Variants in SPATA16 observed in about 807,000 individuals in gnomAD.
SPATA16 encodes the protein spermatogenesis associated 16.
SPATA16 carries 36 observed loss-of-function variants against 63.3 expected under a neutral mutation model. The observed-to-expected ratio is 0.57, with a 90% confidence interval of 0.44 to 0.75. The LOEUF (loss-of-function observed/expected upper bound fraction) is 0.75. Ranked by LOEUF, SPATA16 falls within the 30% of genes least tolerant of loss-of-function variation. The pLI is 0.00. For synonymous variants in SPATA16, 203 were observed against 216.7 expected (o/e 0.94, Z 0.56); for missense variants, 646 against 679.3 (o/e 0.95, Z 0.54).
At chr3:172,930,942 C>G (rs1732857410) in intron 6 of SPATA16, among the ~76,000 whole-genome samples, 1 of 152,022 alleles carries the variant, frequency 6.6e-6, no homozygotes, top group African/African-American at 2.4e-5. Flanking sequence ...CCTGCCTCAG[C>G]CTCCTGAGTT....
chr3:173,080,032 C>A (rs1736889856), intron 2 of SPATA16, among the ~76,000 whole-genome samples: 1 of 152,084 alleles, frequency 6.6e-6, no homozygotes, highest in South Asian at 2.1e-4. Context: ...CACACTATAT[C>A]CTAAAGTACC....
intron 6 of SPATA16, among the ~76,000 whole-genome samples, chr3:172,951,366 T>C (rs779916224): frequency 2.0e-5 from 3 of 152,068 alleles, no homozygotes; most frequent in Non-Finnish European, 2.9e-5. Context: ...GAATTTTAAC[T>C]CTCCCTCATC....
intron 3 of SPATA16, among the ~76,000 whole-genome samples, chr3:173,046,219 T>C (rs1735952685): frequency 6.6e-6 from 1 of 152,040 alleles, no homozygotes; most frequent in African/African-American, 2.4e-5. Context: ...TGAGCAGAGA[T>C]TGAATGTATT....
At chr3:173,059,439 C>T (rs1451856058) in intron 2 of SPATA16, among the ~76,000 whole-genome samples, 3 of 149,834 alleles carry the variant, frequency 2.0e-5, no homozygotes, top group African/African-American at 7.3e-5. Flanking sequence ...TTTTCTTATT[C>T]ATTATCTTAC....
intron 3 of SPATA16, among the ~76,000 whole-genome samples, chr3:173,040,914 TTGCAC>T (rs1735825122): frequency 6.6e-6 from 1 of 152,088 alleles, no homozygotes; most frequent in African/African-American, 2.4e-5. Context: ...GTAGTCAACT[TTGCAC>T]TGCAGAAAGG....
At chr3:173,081,425 G>A (rs536682408) in intron 2 of SPATA16, among the ~76,000 whole-genome samples, 61 of 152,278 alleles carry the variant, frequency 4.0e-4, no homozygotes, top group Non-Finnish European at 7.9e-4. Context: ...CCATTTGGGA[G>A]AATGAGTCGC....
chr3:173,007,037 T>C (rs1734960043), intron 4 of SPATA16, among the ~76,000 whole-genome samples: 1 of 152,194 alleles, frequency 6.6e-6, no homozygotes, highest in Non-Finnish European at 1.5e-5. Context: ...ATTGATTGTC[T>C]TTGAGGTTTT....
chr3:173,074,268 T>C (rs981920848), intron 2 of SPATA16, among the ~76,000 whole-genome samples: 2 of 152,086 alleles, frequency 1.3e-5, no homozygotes, highest in South Asian at 2.1e-4. Context: ...GAAGGCATGA[T>C]TGGTTTTCAA....
intron 4 of SPATA16, among the ~76,000 whole-genome samples, chr3:172,999,892 G>A (rs1417256206): frequency 2.0e-5 from 3 of 151,992 alleles, no homozygotes; most frequent in Non-Finnish European, 4.4e-5. Flanking sequence ...CTTATATTTA[G>A]TTTCCTTGAT....
At position 173,011,047 on chromosome 3, in the gene SPATA16, A is replaced by G. The variant is rs550542106; in HGVS notation, c.848+8439T>C. Among the ~76,000 whole-genome samples, 12 of 152,322 alleles carry G rather than the reference A, an allele frequency of 7.9e-5. No homozygotes were observed. In the South Asian group the frequency reaches 2.1e-3, roughly 26 times the overall value. On this transcript the variant is annotated intron_variant, in intron 4 of 10. Transcript: ENST00000351008. The stretch of plus-strand genomic sequence containing the variant: ...AGCAATACTACTAAAACTATTCCAA[A>G]AAAAATCAAGGAGGAGGGACTTCTC...
intron 2 of SPATA16, among the ~76,000 whole-genome samples, chr3:173,068,964 G>C (rs1015849329): frequency 1.3e-5 from 2 of 151,358 alleles, no homozygotes; most frequent in African/African-American, 4.9e-5. Context: ...CAAAAAATTA[G>C]CCGGGCGTGG....
At chr3:173,008,681 A>G (rs1397504948) in intron 4 of SPATA16, among the ~76,000 whole-genome samples, 1 of 152,148 alleles carries the variant, frequency 6.6e-6, no homozygotes, top group Non-Finnish European at 1.5e-5. Flanking sequence ...ATGACTTAAA[A>G]TTTTAAAAAT....
intron 6 of SPATA16, among the ~76,000 whole-genome samples, chr3:172,955,430 CAATT>C (rs1416979819): frequency 1.3e-5 from 2 of 152,056 alleles, no homozygotes; most frequent in African/African-American, 2.4e-5. Flanking sequence ...TAATTTGTAA[CAATT>C]AACAAAAAAT....
intron 1 of SPATA16, among the ~76,000 whole-genome samples, chr3:173,136,902 A>G (rs1341440875): frequency 6.6e-6 from 1 of 152,206 alleles, no homozygotes; most frequent in Non-Finnish European, 1.5e-5. Context: ...AAGTAGACGA[A>G]TAAGCTTTCC....
At chr3:172,939,947 A>AT (rs1733107179) in intron 6 of SPATA16, among the ~76,000 whole-genome samples, 1 of 152,196 alleles carries the variant, frequency 6.6e-6, no homozygotes, top group African/African-American at 2.4e-5. Context: ...TTAATCACCA[A>AT]TGACCAATAA....
At chr3:173,089,675 A>G (rs1737173616) in intron 2 of SPATA16, among the ~76,000 whole-genome samples, 1 of 152,206 alleles carries the variant, frequency 6.6e-6, no homozygotes, top group African/African-American at 2.4e-5. Context: ...GTACCTTGTA[A>G]GGTGTTTCTT....
chr3:173,098,071 C>T (rs1737404091), intron 2 of SPATA16, among the ~76,000 whole-genome samples: 1 of 151,624 alleles, frequency 6.6e-6, no homozygotes, highest in South Asian at 2.1e-4. Context: ...GTTCTGGCAA[C>T]ATAATCAGAA....
intron 2 of SPATA16, among the ~76,000 whole-genome samples, chr3:173,074,903 C>G (rs908309244): frequency 1.4e-5 from 2 of 145,876 alleles, no homozygotes; most frequent in African/African-American, 5.1e-5. Context: ...GAGGCTGAGG[C>G]AGGAGAATCA....
intron 2 of SPATA16, among the ~76,000 whole-genome samples, chr3:173,080,651 C>T (rs901544480): frequency 2.0e-5 from 3 of 152,072 alleles, no homozygotes; most frequent in Non-Finnish European, 4.4e-5. Context: ...AATGGAAGAA[C>T]TAGTTTTAGG....
Sources: allele counts gnomAD v4.1 joint callset (sites outside exome capture counted in the v4.1 genomes callset), GRCh38; gene constraint gnomAD v4.1.1; transcripts MANE v1.5; gene names NCBI Gene and HGNC (gene_info 2026-07-23, HGNC 2026-07-21).